Variants in KAZN observed in about 807,000 individuals in gnomAD.
KAZN encodes kazrin, periplakin interacting protein.
A neutral mutation model predicts 87.4 loss-of-function variants in KAZN; 40 were observed. The ratio of observed to expected loss-of-function variants is 0.46; its 90% CI spans 0.36 to 0.60. KAZN has a LOEUF of 0.60. Among genes scored for constraint, KAZN ranks in the 20% least tolerant of loss-of-function variants. KAZN has a pLI of 0.00. For missense variants in KAZN, 898 were observed against 1,073.9 expected (o/e 0.84, Z 2.29); for synonymous variants, 466 against 458.3 (o/e 1.02, Z -0.22).
chr1:13,988,307 A>G (rs143543683), intron 1 of KAZN, among the ~76,000 whole-genome samples: 3 of 152,332 alleles, frequency 2.0e-5, no homozygotes, highest in South Asian at 2.1e-4. Flanking sequence ...TTTCTGCTAT[A>G]TAGTCGGGGT....
intron 2 of KAZN, among the ~76,000 whole-genome samples, chr1:14,218,635 CAAT>C (rs1307277470): frequency 6.6e-6 from 1 of 151,862 alleles, no homozygotes; most frequent in Non-Finnish European, 1.5e-5. Flanking sequence ...AACTGAAGCT[CAAT>C]AAATATGTTT....
intron 2 of KAZN, among the ~76,000 whole-genome samples, chr1:14,217,046 G>A (rs1433286747): frequency 6.6e-6 from 1 of 152,132 alleles, no homozygotes; most frequent in African/African-American, 2.4e-5. Flanking sequence ...TTAAGTAGTA[G>A]GACCTTTAAT....
intron 1 of KAZN, among the ~76,000 whole-genome samples, chr1:13,930,246 AAGTCTCAC>A (rs1324399463): frequency 1.3e-5 from 2 of 152,218 alleles, no homozygotes; most frequent in African/African-American, 4.8e-5. Context: ...AGTTAGCTCC[AAGTCTCAC>A]GTTTCTGCTA....
rs1672102766 is a variant in KAZN, at chr1:15,034,887, T to C, written c.555+2T>C. ...CGCAACTATGAGCAGCACCGCAAGGTCAGCCGCCGCCCTGCCCTCCCCTCC... is the reference window on the plus strand; with the variant it reads ...CGCAACTATGAGCAGCACCGCAAGGCCAGCCGCCGCCCTGCCCTCCCCTCC... On this transcript the variant is annotated splice_donor_variant, in intron 3 of 14. Coordinates refer to ENST00000376030, the MANE Select transcript of KAZN (RefSeq NM_201628.3). LOFTEE classifies it high-confidence loss of function. 1 of 1,613,124 alleles carries C rather than the reference T, an allele frequency of 6.2e-7. No homozygotes were observed. Among genetic ancestry groups the C allele is most frequent in the East Asian group, 2.2e-5 (1 of 44,848 alleles).
chr1:14,212,100 T>C lies in KAZN; in HGVS notation c.249+31508T>C, dbSNP rs150998567. On this transcript the variant is annotated intron_variant, in intron 2 of 16. Coordinates refer to the KAZN transcript ENST00000636203. ...CTTTCACTCCTTCCATTGATAATGT[T>C]TGCTGCGAATGTTTTGGTGAAATCT... Among the ~76,000 whole-genome samples, 9 of 152,346 alleles carry C rather than the reference T, an allele frequency of 5.9e-5. No individual in the cohort carries two copies. In the East Asian group the frequency reaches 1.7e-3, roughly 29 times the overall value.
intron 1 of KAZN, among the ~76,000 whole-genome samples, chr1:13,907,806 TG>T (rs35868779): frequency 0.1 from 15,971 of 152,236 alleles, 1,119 homozygotes; most frequent in South Asian, 0.17. Context: ...TGGATGGGTT[TG>T]GGAGTAACTT....
intron 4 of KAZN, among the ~76,000 whole-genome samples, chr1:15,049,046 C>T (rs1482563292): frequency 3.3e-5 from 5 of 152,236 alleles, no homozygotes; most frequent in South Asian, 2.1e-4. Context: ...TGTATTCTTA[C>T]GGTTTCGGAG....
intron 1 of KAZN, among the ~76,000 whole-genome samples, chr1:14,039,579 T>A (rs1489852657): frequency 6.6e-6 from 1 of 152,200 alleles, no homozygotes; most frequent in African/African-American, 2.4e-5. Flanking sequence ...CTGAGCATGG[T>A]TAATAGATTT....
At chr1:13,996,824 C>T (rs1029545775) in intron 1 of KAZN, among the ~76,000 whole-genome samples, 13 of 152,024 alleles carry the variant, frequency 8.6e-5, no homozygotes, top group South Asian at 2.1e-4. Context: ...TCCCCCCAAG[C>T]GAAGCACACC....
chr1:14,997,209 A>C (rs984857823), intron 2 of KAZN, among the ~76,000 whole-genome samples: 2 of 4,576 alleles, frequency 4.4e-4, no homozygotes, highest in African/African-American at 1.5e-3. Context: ...TCTTTCATTT[A>C]TTTATTTATT....
chr1:14,713,900 G>T (rs1264456164), intron 1 of KAZN, among the ~76,000 whole-genome samples: 3 of 151,846 alleles, frequency 2.0e-5, no homozygotes, highest in African/African-American at 7.3e-5. Flanking sequence ...AGATTGCAGT[G>T]AGCCATGACC....
intron 1 of KAZN, among the ~76,000 whole-genome samples, chr1:14,112,018 G>A (rs1644510342): frequency 6.6e-6 from 1 of 151,974 alleles, no homozygotes; most frequent in African/African-American, 2.4e-5. Context: ...GATTACAGAC[G>A]TGAGCCACCA....
chr1:15,085,605 GGC>G (rs1167747578), intron 8 of KAZN, among the ~76,000 whole-genome samples: 2 of 152,172 alleles, frequency 1.3e-5, no homozygotes, highest in African/African-American at 4.8e-5. Flanking sequence ...TGGGATTACA[GGC>G]GTGAGCCACC....
At chr1:14,009,811 T>A (rs879025064) in intron 1 of KAZN, among the ~76,000 whole-genome samples, 1 of 152,212 alleles carries the variant, frequency 6.6e-6, no homozygotes, top group Admixed American at 6.5e-5. Flanking sequence ...TGTGCAAGTA[T>A]ACCAGGATAT....
chr1:15,010,782 T>C (rs982574235), intron 2 of KAZN, among the ~76,000 whole-genome samples: 24 of 152,186 alleles, frequency 1.6e-4, no homozygotes, highest in African/African-American at 5.5e-4. Flanking sequence ...TTCTCTTCTC[T>C]CACTCCTTTT....
chr1:14,837,014 G>A (rs888201592), intron 1 of KAZN, among the ~76,000 whole-genome samples: 1 of 152,084 alleles, frequency 6.6e-6, no homozygotes, highest in African/African-American at 2.4e-5. Flanking sequence ...TTACACAGCA[G>A]TTCTGTCCTG....
intron 2 of KAZN, among the ~76,000 whole-genome samples, chr1:14,588,594 A>G (rs1318052717): frequency 6.6e-6 from 1 of 152,176 alleles, no homozygotes; most frequent in Non-Finnish European, 1.5e-5. Flanking sequence ...TTTGCCTGAG[A>G]GAAGGGGGCA....
chr1:14,225,011 A>G (rs1190595663), intron 2 of KAZN, among the ~76,000 whole-genome samples: 4 of 152,320 alleles, frequency 2.6e-5, no homozygotes, highest in Middle Eastern at 6.8e-3. Flanking sequence ...GCTCACTCTC[A>G]CTACTCCTAT....
chr1:14,149,277 A>ATT (rs3033858), intron 1 of KAZN, among the ~76,000 whole-genome samples: 56,874 of 141,788 alleles, frequency 0.4, 11,440 homozygotes, highest in Middle Eastern at 0.49. Flanking sequence ...AATTTTTTGT[A>ATT]TTTTTTTTTT....
Sources: gnomAD v4.1 joint callset for allele counts (sites outside exome capture counted in the v4.1 genomes callset) on GRCh38, gnomAD v4.1.1 for gene constraint, MANE v1.5 for transcripts, NCBI Gene and HGNC (gene_info 2026-07-23, HGNC 2026-07-21) for gene names.